MDGA2: variants seen among roughly 807,000 people sequenced by gnomAD.
MDGA2 encodes the protein MAM domain containing glycosylphosphatidylinositol anchor 2.
A neutral mutation model predicts 117.8 loss-of-function variants in MDGA2; 40 were observed. The observed-to-expected ratio is 0.34, with a 90% CI of 0.26 to 0.44. MDGA2 has a LOEUF of 0.44. Among genes scored for constraint, MDGA2 ranks in the 20% least tolerant of loss-of-function variants. The probability of loss-of-function intolerance (pLI) is 1.00; values close to 1 mark genes in which losing one functional copy is unlikely to be tolerated. For missense variants in MDGA2, 1,123 were observed against 1,250.6 expected, an observed-to-expected ratio of 0.90 and a Z score of 1.54; for synonymous variants, 452 against 439.0, an observed-to-expected ratio of 1.03 and a Z score of -0.37.
At chr14:47,447,170 T>G (rs972557238) in intron 1 of MDGA2, among the ~76,000 whole-genome samples, 1 of 152,136 alleles carries the variant, frequency 6.6e-6, no homozygotes, top group African/African-American at 2.4e-5. Flanking sequence ...ATAAAACTGT[T>G]TAGTCCAGGG....
chr14:47,179,134 C>A (rs1245775442), intron 3 of MDGA2, among the ~76,000 whole-genome samples: 2 of 151,816 alleles, frequency 1.3e-5, no homozygotes, highest in Non-Finnish European at 2.9e-5. Flanking sequence ...CTGACTGTGA[C>A]CAAAACTCAG....
intron 5 of MDGA2, among the ~76,000 whole-genome samples, chr14:47,106,709 T>C (rs1880708583): frequency 6.6e-6 from 1 of 151,790 alleles, no homozygotes; most frequent in Non-Finnish European, 1.5e-5. Flanking sequence ...GACGCCGAGC[T>C]TCCGGTAACT....
chr14:47,455,183 G>C (rs1594865487), intron 1 of MDGA2, among the ~76,000 whole-genome samples: 1 of 152,168 alleles, frequency 6.6e-6, no homozygotes, highest in African/African-American at 2.4e-5. Context: ...ACCTGAAGGT[G>C]TGTATGGATA....
intron 5 of MDGA2, among the ~76,000 whole-genome samples, chr14:47,103,184 C>G (rs978882161): frequency 6.6e-6 from 1 of 152,158 alleles, no homozygotes; most frequent in Non-Finnish European, 1.5e-5. Flanking sequence ...CAAATTAAAT[C>G]CAGCTTGTAT....
chr14:47,074,436 CTA>C (rs1254518824), intron 6 of MDGA2, among the ~76,000 whole-genome samples: 1 of 151,978 alleles, frequency 6.6e-6, no homozygotes, highest in Non-Finnish European at 1.5e-5. Flanking sequence ...GTAGCTGGGA[CTA>C]TACAGGCACC....
At chr14:47,173,221 C>T (rs1047728437) in intron 3 of MDGA2, among the ~76,000 whole-genome samples, 13 of 152,200 alleles carry the variant, frequency 8.5e-5, no homozygotes, top group Non-Finnish European at 1.8e-4. Context: ...TTGGAAAACA[C>T]TCTGCAGGAT....
chr14:46,973,943 A>T (rs1408852723), intron 8 of MDGA2, among the ~76,000 whole-genome samples: 1 of 151,306 alleles, frequency 6.6e-6, no homozygotes, highest in Non-Finnish European at 1.5e-5. Context: ...TCATGATTAC[A>T]GCTCACTGCA....
intron 1 of MDGA2, among the ~76,000 whole-genome samples, chr14:47,513,082 T>C (rs1894675827): frequency 6.6e-6 from 1 of 152,108 alleles, no homozygotes; most frequent in Non-Finnish European, 1.5e-5. Context: ...CAATAGCTTA[T>C]GCTTTTTTTC....
intron 14 of MDGA2, among the ~76,000 whole-genome samples, chr14:46,856,836 CTTAACT>C (rs1251411318): frequency 2.0e-5 from 3 of 152,074 alleles, no homozygotes; most frequent in Non-Finnish European, 4.4e-5. Flanking sequence ...ACTCTACTGA[CTTAACT>C]TTATCTCCTT....
At chr14:47,124,921 T>C (rs1175464497) in intron 5 of MDGA2, among the ~76,000 whole-genome samples, 1 of 152,130 alleles carries the variant, frequency 6.6e-6, no homozygotes, top group Non-Finnish European at 1.5e-5. Context: ...AGAATATAAA[T>C]TTCTACCGTT....
chr14:47,456,528 C>A (rs1893358231), intron 1 of MDGA2, among the ~76,000 whole-genome samples: 2 of 151,668 alleles, frequency 1.3e-5, no homozygotes, highest in Non-Finnish European at 2.9e-5. Flanking sequence ...GTATCGAACT[C>A]CCAACTTCAG....
intron 1 of MDGA2, among the ~76,000 whole-genome samples, chr14:47,384,569 C>G (rs1566763678): frequency 6.6e-6 from 1 of 151,950 alleles, no homozygotes; most frequent in South Asian, 2.1e-4. Context: ...TTTGCATTCC[C>G]TCTTTTCCAA....
At chr14:47,190,421 A>C (rs1290939633) in intron 3 of MDGA2, among the ~76,000 whole-genome samples, 2 of 152,212 alleles carry the variant, frequency 1.3e-5, no homozygotes, top group African/African-American at 2.4e-5. Flanking sequence ...TTGACCTTCA[A>C]GGTATGTGTC....
chr14:47,462,220 C>G (rs1162121075), intron 1 of MDGA2, among the ~76,000 whole-genome samples: 1 of 151,584 alleles, frequency 6.6e-6, no homozygotes, highest in Non-Finnish European at 1.5e-5. Flanking sequence ...ACTAAAAATA[C>G]AAAAAATTAG....
chr14:47,395,148 A>G (rs2138446436), intron 1 of MDGA2, among the ~76,000 whole-genome samples: 1 of 152,274 alleles, frequency 6.6e-6, no homozygotes, highest in Non-Finnish European at 1.5e-5. Context: ...AAGAGTGAAA[A>G]GCCAGCTCAA....
intron 7 of MDGA2, 60 bp downstream of exon 7, chr14:47,061,189 G>A (rs1029048156): frequency 3.4e-6 from 5 of 1,468,178 alleles, no homozygotes; most frequent in Non-Finnish European, 4.7e-6. Context: ...TACTTGATCT[G>A]TTAAACTTCA....
At chr14:47,377,051 T>TA (rs1465517078) in intron 1 of MDGA2, among the ~76,000 whole-genome samples, 3 of 152,090 alleles carry the variant, frequency 2.0e-5, no homozygotes, top group South Asian at 2.1e-4. Context: ...TTGGATGTAA[T>TA]AAAAATGAAA....
At chr14:47,648,910 T>C (rs1897586390) in intron 1 of MDGA2, among the ~76,000 whole-genome samples, 1 of 152,150 alleles carries the variant, frequency 6.6e-6, no homozygotes, top group Admixed American at 6.5e-5. Context: ...GGAGAAGAGA[T>C]AATACATTTT....
intron 1 of MDGA2, among the ~76,000 whole-genome samples, chr14:47,586,701 C>A (rs1297592529): frequency 6.6e-6 from 1 of 151,840 alleles, no homozygotes; most frequent in Non-Finnish European, 1.5e-5. Flanking sequence ...TTCCTCACAC[C>A]CACCCTCCAT....
Sources: gnomAD v4.1 joint callset for allele counts (sites outside exome capture counted in the v4.1 genomes callset) on GRCh38, gnomAD v4.1.1 for gene constraint, MANE v1.5 for transcripts, NCBI Gene and HGNC (gene_info 2026-07-23, HGNC 2026-07-21) for gene names.